ULK4: variants seen among roughly 807,000 people sequenced by gnomAD.
ULK4 encodes unc-51 like kinase 4.
ULK4 carries 133 observed loss-of-function variants against 160.6 expected under a neutral mutation model. That is an observed-to-expected ratio of 0.83 (90% CI 0.72 to 0.96). The LOEUF (loss-of-function observed/expected upper bound fraction) is 0.96. ULK4 is among the 40% of genes least tolerant of loss of function. The probability of loss-of-function intolerance (pLI) is 0.00; values close to 1 mark genes in which losing one functional copy is unlikely to be tolerated. For missense variants in ULK4, 1,580 were observed against 1,499.5 expected (o/e 1.05, Z -0.89); for synonymous variants, 534 against 539.8 (o/e 0.99, Z 0.15).
chr3:41,756,043 G>C (rs1255976831), intron 21 of ULK4, among the ~76,000 whole-genome samples: 2 of 152,158 alleles, frequency 1.3e-5, no homozygotes, highest in Non-Finnish European at 2.9e-5. Flanking sequence ...ATAGCAAACT[G>C]TTAACATTTG....
chr3:41,696,976 C>T (rs1226057477), intron 27 of ULK4, among the ~76,000 whole-genome samples: 2 of 152,162 alleles, frequency 1.3e-5, no homozygotes, highest in Non-Finnish European at 2.9e-5. Flanking sequence ...GAAGGAGATC[C>T]TTCCCTTAGA....
At position 41,531,568 on chromosome 3, in the gene ULK4, CA is replaced by C. The variant is rs199630147; in HGVS notation, c.3226+34456del. Among the ~76,000 whole-genome samples the C allele has an allele frequency of 4.7e-5, 7 of 147,694 alleles. No homozygotes were observed. In the East Asian group the frequency reaches 5.9e-4, roughly 13 times the overall value. On this transcript the variant is annotated intron_variant, in intron 32 of 36. Transcript: ENST00000301831. ...CATCCTTCTCATCAACAGTTAGCTGCAAAAAAAAATATTTCTAGCATCTTAA... is the reference window on the plus strand; with the variant it reads ...CATCCTTCTCATCAACAGTTAGCTGCAAAAAAAATATTTCTAGCATCTTAA...
At chr3:41,675,746 T>G (rs1331764763) in intron 29 of ULK4, among the ~76,000 whole-genome samples, 1 of 151,922 alleles carries the variant, frequency 6.6e-6, no homozygotes, top group African/African-American at 2.4e-5. Flanking sequence ...GAAGCACAAA[T>G]TGGAGTGATA....
chr3:41,952,855 T>C (rs1700335601), intron 2 of ULK4, among the ~76,000 whole-genome samples: 2 of 152,200 alleles, frequency 1.3e-5, no homozygotes, highest in East Asian at 3.8e-4. Context: ...TTTATATATG[T>C]ACAATGAAAT....
intron 35 of ULK4, among the ~76,000 whole-genome samples, chr3:41,357,287 A>G (rs1173299916): frequency 6.6e-6 from 1 of 152,152 alleles, no homozygotes; most frequent in African/African-American, 2.4e-5. Context: ...GGAGACTTCA[A>G]CCTAGACTCA....
rs992443511 is a variant in ULK4, at chr3:41,411,723, G to A, written c.3493-13459C>T. On this transcript the variant is annotated intron_variant, in intron 34 of 36. Transcript: ENST00000301831. ...GCTGTGATTAACGGCATGAGCCACC[G>A]TGCCCAGCAACCTTTCTATTGATAA... 3.3e-5 allele frequency among the ~76,000 whole-genome samples: 5 copies of A among 152,012 alleles called. No individual in the cohort carries two copies. The East Asian group carries it at 7.7e-4, about 23-fold the overall frequency.
intron 34 of ULK4, among the ~76,000 whole-genome samples, chr3:41,422,906 A>AATAATAT (rs1416447764): frequency 6.6e-6 from 1 of 152,224 alleles, no homozygotes; most frequent in Non-Finnish European, 1.5e-5. Context: ...AATGGAAAAT[A>AATAATAT]ACTGGAAACA....
rs573741927 is a variant in ULK4 at position 41,767,355 on chromosome 3, G to A, written c.2194-12867C>T. On this transcript the variant is annotated intron_variant, in intron 21 of 36. Coordinates refer to ENST00000301831, the MANE Select transcript of ULK4 (RefSeq NM_017886.4). ...TTTATCTGAATTTGATTTTTATTAT[G>A]TATTAAAATACTTTTTGCTTTTTTA... Among the ~76,000 whole-genome samples the A allele has an allele frequency of 9.9e-5, 15 of 152,000 alleles. No homozygotes were observed. The East Asian group carries it at 2.9e-3, about 29-fold the overall frequency.
At chr3:41,798,910 T>C (rs1440865042) in intron 20 of ULK4, among the ~76,000 whole-genome samples, 1 of 152,096 alleles carries the variant, frequency 6.6e-6, no homozygotes, top group Non-Finnish European at 1.5e-5. Flanking sequence ...AAGAGGTTTG[T>C]CTCTGAAAAG....
chr3:41,633,606 C>A (rs2033835824), intron 30 of ULK4, among the ~76,000 whole-genome samples: 1 of 152,044 alleles, frequency 6.6e-6, no homozygotes, highest in African/African-American at 2.4e-5. Flanking sequence ...AAAGATTATT[C>A]AGGCAACAAT....
At chr3:41,893,849 C>T (rs1056401192) in intron 16 of ULK4, among the ~76,000 whole-genome samples, 1 of 151,820 alleles carries the variant, frequency 6.6e-6, no homozygotes, top group Non-Finnish European at 1.5e-5. Flanking sequence ...AATATATCTA[C>T]GTCAATAATA....
chr3:41,514,585 C>T (rs1327295187), intron 32 of ULK4, among the ~76,000 whole-genome samples: 2 of 152,070 alleles, frequency 1.3e-5, no homozygotes, highest in African/African-American at 2.4e-5. Context: ...ATAAATATAA[C>T]GAAATAATAG....
At chr3:41,861,593 A>C (rs2042498476) in intron 17 of ULK4, among the ~76,000 whole-genome samples, 1 of 151,844 alleles carries the variant, frequency 6.6e-6, no homozygotes, top group South Asian at 2.1e-4. Context: ...CCTGACCTTT[A>C]GGAGTTTGAT....
At chr3:41,364,918 T>C (rs1459412113) in intron 35 of ULK4, among the ~76,000 whole-genome samples, 2 of 152,188 alleles carry the variant, frequency 1.3e-5, no homozygotes, top group Non-Finnish European at 2.9e-5. Context: ...ATGAATCATC[T>C]GGGGGATCTC....
intron 20 of ULK4, among the ~76,000 whole-genome samples, chr3:41,795,445 T>G (rs903773011): frequency 6.6e-6 from 1 of 152,158 alleles, no homozygotes; most frequent in African/African-American, 2.4e-5. Context: ...GGATGCTCCC[T>G]CTTAATCTTT....
At chr3:41,676,177 T>A (rs544416162) in intron 29 of ULK4, among the ~76,000 whole-genome samples, 1 of 152,348 alleles carries the variant, frequency 6.6e-6, no homozygotes, top group Admixed American at 6.5e-5. Context: ...GATTTATGTA[T>A]CAACAGAAAA....
At chr3:41,546,307 A>G (rs1472020307) in intron 32 of ULK4, among the ~76,000 whole-genome samples, 3 of 152,100 alleles carry the variant, frequency 2.0e-5, no homozygotes, top group Non-Finnish European at 4.4e-5. Context: ...CTGTTAGGAC[A>G]GATCTATATT....
intron 34 of ULK4, among the ~76,000 whole-genome samples, chr3:41,441,813 T>C (rs963431134): frequency 1.3e-5 from 2 of 152,192 alleles, no homozygotes; most frequent in Non-Finnish European, 2.9e-5. Context: ...TTAAGCTGCA[T>C]ATTTGTCTTT....
At position 41,431,547 on chromosome 3, in the gene ULK4, C is replaced by CCTTTTTTTTTTTTTTTTTTTTT. The variant is rs563543377; in HGVS notation, c.3492+23949_3492+23950insAAAAAAAAAAAAAAAAAAAAAG. ...CCTGTGAGGTGTTGTAATTCCCTCC[C>CCTTTTTTTTTTTTTTTTTTTTT]TTTTTTTTTTTTTTTGATGTGGAAA... On this transcript the variant is annotated intron_variant, in intron 34 of 36. Transcript: ENST00000301831. 2.6e-3 allele frequency among the ~76,000 whole-genome samples: 253 copies of CCTTTTTTTTTTTTTTTTTTTTT among 95,832 alleles called. 8 individuals carry two copies. Among genetic ancestry groups the CCTTTTTTTTTTTTTTTTTTTTT allele is most frequent in the Middle Eastern group, 0.011 (2 of 178 alleles). 62.9% of individuals were successfully genotyped at this position (95,832 alleles called of 152,430 possible).
Sources: allele counts gnomAD v4.1 joint callset (sites outside exome capture counted in the v4.1 genomes callset), GRCh38; gene constraint gnomAD v4.1.1; transcripts MANE v1.5; gene names NCBI Gene and HGNC (gene_info 2026-07-23, HGNC 2026-07-21).